Variants in TMPRSS6 observed in about 807,000 individuals in gnomAD.
TMPRSS6 encodes the protein transmembrane protease serine 6.
A neutral mutation model predicts 101.5 loss-of-function variants in TMPRSS6; 67 were observed. The observed-to-expected ratio is 0.66, with a 90% CI of 0.54 to 0.81. The LOEUF is 0.81. Among genes scored for constraint, TMPRSS6 ranks in the 30% least tolerant of loss-of-function variants. The probability of loss-of-function intolerance (pLI) is 0.00; values close to 1 mark genes in which losing one functional copy is unlikely to be tolerated. For synonymous variants in TMPRSS6, 453 were observed against 464.9 expected (o/e 0.97, Z 0.33); for missense variants, 1,034 against 1,088.7 (o/e 0.95, Z 0.71).
intron 10 of TMPRSS6, chr22:37,083,849 C>A: frequency 2.7e-6 from 1 of 368,334 alleles, no homozygotes; most frequent in Non-Finnish European, 4.9e-6. Flanking sequence ...TGGGATTGGG[C>A]CTGGCTGTGC....
chr22:37,104,562 C>T (rs894841833), intron 1 of TMPRSS6, among the ~76,000 whole-genome samples: 3 of 152,254 alleles, frequency 2.0e-5, no homozygotes, highest in African/African-American at 7.2e-5. Flanking sequence ...GGTTTCCCCA[C>T]AGTACAGAGA....
intron 6 of TMPRSS6, among the ~76,000 whole-genome samples, chr22:37,093,494 C>G (rs1929459260): frequency 6.9e-6 from 1 of 144,400 alleles, no homozygotes; most frequent in Non-Finnish European, 1.5e-5. Context: ...GCTCCATCTT[C>G]CGGGTTCAAG....
rs1926649486 is a variant in TMPRSS6, at chr22:37,069,239, C to T, written c.1947G>A (p.Pro649=). Residue 649 remains proline (P), a synonymous_variant, in exon 16 of 18, where the codon CCG becomes CCA. Transcript: ENST00000676104. This position sits in a 1 kb window ranked among gnomAD's most constrained non-coding sequence, Gnocchi z 4.8. Reference sequence around the variant, plus strand: ...AGTCATGGCTGTCCTCTTCGTGGTACGGGTGCAGGAGCAGGCGGCTCACCT... The same window carrying T: ...AGTCATGGCTGTCCTCTTCGTGGTATGGGTGCAGGAGCAGGCGGCTCACCT... ...SFKVSRLLLH[P]YHEEDSHDYD... 2 of 1,610,850 alleles carry T rather than the reference C, an allele frequency of 1.2e-6. No individual in the cohort carries two copies. Among genetic ancestry groups the T allele is most frequent in the South Asian group, 1.1e-5 (1 of 90,616 alleles).
At chr22:37,093,871 A>G (rs1309888901) in intron 6 of TMPRSS6, among the ~76,000 whole-genome samples, 1 of 151,796 alleles carries the variant, frequency 6.6e-6, no homozygotes, top group Non-Finnish European at 1.5e-5. Context: ...AAAAATATAC[A>G]AATTAGCCAG....
rs1371711024 is a variant in TMPRSS6 at position 37,065,861 on chromosome 22, G to A, written c.*219C>T. The A allele has an allele frequency of 4.9e-6, 3 of 608,810 alleles. No individual in the cohort carries two copies. Among genetic ancestry groups the A allele is most frequent in the Non-Finnish European group, 8.7e-6 (3 of 345,304 alleles). The allele number at this position is 608,810 out of a possible 1,614,324, so 37.7% of individuals were successfully genotyped here. A position where few individuals can be genotyped will look rare whatever the true frequency, so the allele number is the denominator to read the frequency against. On this transcript the variant is annotated 3_prime_UTR_variant, in exon 18 of 18. Coordinates refer to ENST00000676104, the MANE Select transcript of TMPRSS6 (RefSeq NM_001374504.1). ...GGCAGAAGGGCTGGGTGTGGGCCTG[G>A]GTCCTCAGGGGACGTCTTGACCCCC...
At chr22:37,081,708 C>A (rs564331268) in intron 10 of TMPRSS6, among the ~76,000 whole-genome samples, 1 of 152,158 alleles carries the variant, frequency 6.6e-6, no homozygotes, top group African/African-American at 2.4e-5. Context: ...ACCCAGCCAC[C>A]GCTTGGCTAC....
At chr22:37,089,970 T>A (rs979539296) in intron 6 of TMPRSS6, among the ~76,000 whole-genome samples, 188 bp from the exon 7 acceptor site, 16 of 152,258 alleles carry the variant, frequency 1.1e-4, no homozygotes. Context: ...ATGCATTTGT[T>A]CATTGGTTCA....
intron 10 of TMPRSS6, among the ~76,000 whole-genome samples, chr22:37,078,354 C>T (rs1415066189): frequency 3.3e-5 from 5 of 152,226 alleles, no homozygotes; most frequent in Non-Finnish European, 7.3e-5. Flanking sequence ...GAAGTTCTCT[C>T]AACCTCCAGG....
intron 13 of TMPRSS6, among the ~76,000 whole-genome samples, chr22:37,072,419 GGATTGATGGATT>G (rs1927099082): frequency 7.6e-6 from 1 of 132,282 alleles, no homozygotes; most frequent in Non-Finnish European, 1.6e-5. Flanking sequence ...GATGGATGAT[GGATTGATGGATT>G]GATGGATGAT....
intron 6 of TMPRSS6, among the ~76,000 whole-genome samples, chr22:37,095,136 C>A (rs561666451): frequency 6.6e-6 from 1 of 152,264 alleles, no homozygotes; most frequent in East Asian, 1.9e-4. Context: ...GGCACCGCTA[C>A]CTCCAAAAGA....
At chr22:37,091,987 C>G (rs1929306439) in intron 6 of TMPRSS6, among the ~76,000 whole-genome samples, 1 of 152,200 alleles carries the variant, frequency 6.6e-6, no homozygotes, top group African/African-American at 2.4e-5. Context: ...GGGACAGGGC[C>G]TCCACCAGCA....
intron 13 of TMPRSS6, among the ~76,000 whole-genome samples, chr22:37,072,421 AT>A (rs1261507748): frequency 3.1e-5 from 4 of 131,054 alleles, no homozygotes; most frequent in African/African-American, 3.0e-5. Flanking sequence ...TGGATGATGG[AT>A]TGATGGATTG....
intron 10 of TMPRSS6, among the ~76,000 whole-genome samples, chr22:37,076,820 G>C (rs1447060199): frequency 6.6e-6 from 1 of 152,204 alleles, no homozygotes; most frequent in Admixed American, 6.5e-5. Flanking sequence ...CAGGGTGCAG[G>C]TTGAAAATCT....
rs1277903347 is a variant in TMPRSS6 at position 37,065,931 on chromosome 22, A to G, written c.*149T>C. 3 of 1,003,314 alleles carry G rather than the reference A, an allele frequency of 3.0e-6. No homozygotes were observed. Among genetic ancestry groups the G allele is most frequent in the Non-Finnish European group, 4.5e-6 (3 of 670,808 alleles). 62.2% of individuals were successfully genotyped at this position (1,003,314 alleles called of 1,614,324 possible). Reference sequence around the variant, plus strand: ...TCCTCCTGCCATCACTGGAGCAGACATCAGGGACGAGACAAGATGCCACCT... The same window carrying G: ...TCCTCCTGCCATCACTGGAGCAGACGTCAGGGACGAGACAAGATGCCACCT... On this transcript the variant is annotated 3_prime_UTR_variant, in exon 18 of 18. Coordinates refer to ENST00000676104, the MANE Select transcript of TMPRSS6 (RefSeq NM_001374504.1).
chr22:37,107,032 C>G (rs1309810964), intron 1 of TMPRSS6, among the ~76,000 whole-genome samples: 1 of 152,256 alleles, frequency 6.6e-6, no homozygotes, highest in Non-Finnish European at 1.5e-5. Flanking sequence ...CTGGGGTTCC[C>G]CATGGAACGC....
At chr22:37,095,475 C>T in intron 6 of TMPRSS6, 76 bp downstream of exon 6, 2 of 1,553,680 alleles carry the variant, frequency 1.3e-6, no homozygotes, top group African/African-American at 1.4e-5. Context: ...AGCCATGTGT[C>T]CCCCTGATAC....
intron 9 of TMPRSS6, 132 bp from the exon 10 acceptor site, chr22:37,084,536 C>T (rs1157117624): frequency 1.2e-6 from 1 of 829,116 alleles, no homozygotes; most frequent in African/African-American, 1.7e-5. Context: ...ACTCAACAAA[C>T]AGGCATTGCT....
rs548916989 is a variant in TMPRSS6, at chr22:37,073,698, C to T, written c.1442-53G>A. On this transcript the variant is annotated intron_variant, in intron 12 of 17. Coordinates refer to ENST00000676104, the MANE Select transcript of TMPRSS6 (RefSeq NM_001374504.1). ...GTGGGAGGAAGCCAGAGGAGCCAGC[C>T]GGGGCTTGGCGATGCCTGTAGAAGG... 6.8e-5 allele frequency: 82 copies of T among 1,198,270 alleles called. 2 individuals are homozygous for T. The highest frequency in any genetic ancestry group is 5.7e-4 in the South Asian group (47 of 82,778). 74.2% of individuals were successfully genotyped at this position (1,198,270 alleles called of 1,614,324 possible). A position where few individuals can be genotyped will look rare whatever the true frequency, so the allele number is the denominator to read the frequency against.
Position 37,093,384 on chromosome 22 carries a change from C to CTTTTTTTTT in TMPRSS6, c.631+2158_631+2166dup, listed in dbSNP as rs67659825. On this transcript the variant is annotated intron_variant, in intron 6 of 17. Coordinates refer to ENST00000676104, the MANE Select transcript of TMPRSS6 (RefSeq NM_001374504.1). The stretch of plus-strand genomic sequence containing the variant: ...ACCTTTTCCTTTCCTTTCTTTCTTT[C>CTTTTTTTTT]TTTTTTTTTTTTTTTTTTTTTTTTT... Among the ~76,000 whole-genome samples the CTTTTTTTTT allele has an allele frequency of 1.3e-3, 108 of 82,564 alleles. 2 individuals carry two copies. The highest frequency in any genetic ancestry group is 1.4e-3 in the Non-Finnish European group (64 of 45,654). 54.2% of individuals were successfully genotyped at this position (82,564 alleles called of 152,430 possible). A position where few individuals can be genotyped will look rare whatever the true frequency, so the allele number is the denominator to read the frequency against.
Sources: gnomAD v4.1 joint callset for allele counts (sites outside exome capture counted in the v4.1 genomes callset) on GRCh38, gnomAD v4.1.1 for gene constraint, Gnocchi (gnomAD v3.1) non-coding constraint, MANE v1.5 for transcripts, NCBI Gene and HGNC (gene_info 2026-07-23, HGNC 2026-07-21) for gene names.